Variants in CCDC88A observed in about 807,000 individuals in gnomAD.
CCDC88A encodes girdin.
A neutral mutation model predicts 234.3 loss-of-function variants in CCDC88A; 54 were observed. The observed-to-expected ratio is 0.23, with a 90% CI of 0.19 to 0.29. The LOEUF (loss-of-function observed/expected upper bound fraction) is 0.29. Among genes scored for constraint, CCDC88A ranks in the 10% least tolerant of loss-of-function variants. The probability of loss-of-function intolerance (pLI) is 1.00; values close to 1 mark genes in which losing one functional copy is unlikely to be tolerated. For missense variants in CCDC88A, 1,832 were observed against 2,123.4 expected (o/e 0.86, Z 2.70); for synonymous variants, 753 against 737.8 (o/e 1.02, Z -0.33).
chr2:55,296,088 G>C, intron 30 of CCDC88A, 32 bp from the exon 31 acceptor site: 1 of 1,487,346 alleles, frequency 6.7e-7, no homozygotes, highest in Non-Finnish European at 9.1e-7. Context: ...GCAGATTAGT[G>C]AATATAGTGC....
At chr2:55,341,849 C>CA (rs1668551749) in intron 12 of CCDC88A, among the ~76,000 whole-genome samples, 1 of 152,150 alleles carries the variant, frequency 6.6e-6, no homozygotes, top group Non-Finnish European at 1.5e-5. Context: ...CATATCTTGA[C>CA]ATTTGTGAAT....
chr2:55,311,498 C>G lies in CCDC88A; in HGVS notation c.4079+936G>C, dbSNP rs140515291. Among the ~76,000 whole-genome samples the G allele has an allele frequency of 1.3e-4, 20 of 152,324 alleles. No homozygotes were observed. The East Asian group carries it at 3.7e-3, about 28-fold the overall frequency. ...AGAGGCACAGACATACTACTTCATG[C>G]ACTCCTTGAATAATCTAGAAAGTAA... On this transcript the variant is annotated intron_variant, in intron 23 of 32. Coordinates refer to ENST00000436346, the MANE Select transcript of CCDC88A (RefSeq NM_001365480.1).
In CCDC88A at chr2:55,344,438, C is replaced by T. The variant is rs143843361; in HGVS notation, c.1118G>A (p.Arg373His). 6.3e-6 allele frequency: 10 copies of T among 1,587,050 alleles called. No homozygotes were observed. The highest frequency in any genetic ancestry group is 1.3e-5 in the African/African-American group (1 of 74,182). ...TTCTAATTCATGTAATTTATCAGAA[C>T]GAGCACGAGTTCCCTCTAGTTGGTC... ...LEDQLEGTRA[R>H]SDKLHELEKE... is the part of the protein sequence containing the mutation. Residue 373 changes from arginine (R) to histidine (H), a missense_variant, in exon 11 of 33, where the codon CGT becomes CAT. By Grantham distance (29) the Arg-to-His change is conservative. This residue lies in a region of CCDC88A where 1,282 missense variants were observed against 1,543.6 expected (regional missense o/e 0.83). Transcript: ENST00000436346.
chr2:55,291,887 G>A (rs1024034482), intron 31 of CCDC88A, 112 bp from the exon 32 acceptor site: 12 of 670,990 alleles, frequency 1.8e-5, no homozygotes, highest in African/African-American at 1.7e-4. Context: ...ATCTGTAACT[G>A]TCTGGGAAAA....
chr2:55,317,976 G>A lies in CCDC88A; in HGVS notation c.3325-135C>T, dbSNP rs1220506882. ...CATATTTACATTATACTGGGAAGAC[G>A]TGGATTTTAGCTTCCCAAAGAATAA... On this transcript the variant is annotated intron_variant, in intron 19 of 32. Coordinates refer to ENST00000436346, the MANE Select transcript of CCDC88A (RefSeq NM_001365480.1). The surrounding 1 kb of genome is among the most constrained non-coding windows in gnomAD (Gnocchi z 4.2). 8.1e-6 allele frequency: 5 copies of A among 620,480 alleles called. No homozygotes were observed. The highest frequency in any genetic ancestry group is 2.8e-5 in the South Asian group (1 of 36,070). 38.4% of individuals were successfully genotyped at this position (620,480 alleles called of 1,614,324 possible).
At chr2:55,346,052 C>T in intron 10 of CCDC88A, 123 bp downstream of exon 10, 1 of 644,122 alleles carries the variant, frequency 1.6e-6, no homozygotes, top group Non-Finnish European at 2.6e-6. Context: ...AATAAACATA[C>T]CCAAATGTAT....
intron 2 of CCDC88A, chr2:55,405,256 T>C (rs917980856): frequency 1.3e-5 from 2 of 152,114 alleles, no homozygotes; most frequent in Non-Finnish European, 2.9e-5. Flanking sequence ...AAATCAAATC[T>C]AACTTCCTCC....
intron 2 of CCDC88A, among the ~76,000 whole-genome samples, chr2:55,400,654 G>A (rs1371030149): frequency 1.3e-5 from 2 of 152,206 alleles, no homozygotes; most frequent in African/African-American, 4.8e-5. Flanking sequence ...TTTGGTCCTT[G>A]TATGATCAAG....
chr2:55,376,289 T>A (rs1673647962), intron 3 of CCDC88A, among the ~76,000 whole-genome samples: 1 of 152,226 alleles, frequency 6.6e-6, no homozygotes, highest in African/African-American at 2.4e-5. Flanking sequence ...AGATTCTTCA[T>A]AAATTGACTA....
At chr2:55,392,371 C>T (rs1173365983) in intron 2 of CCDC88A, among the ~76,000 whole-genome samples, 2 of 152,054 alleles carry the variant, frequency 1.3e-5, no homozygotes, top group Non-Finnish European at 2.9e-5. Flanking sequence ...AAAAACAAAA[C>T]CTATTAAGAT....
chr2:55,310,851 C>T lies in CCDC88A; in HGVS notation c.4079+1583G>A, dbSNP rs147972307. On this transcript the variant is annotated intron_variant, in intron 23 of 32. Coordinates refer to ENST00000436346, the MANE Select transcript of CCDC88A (RefSeq NM_001365480.1). ...GTTAACAAGGCTGGAGTTCCCAGTT[C>T]GTTTTTCCTTTTACTTGTTGAAATA... is the stretch of plus-strand genomic sequence containing the variant. Among the ~76,000 whole-genome samples the T allele has an allele frequency of 7.3e-4, 111 of 152,280 alleles. 1 individual carries two copies. Among genetic ancestry groups the T allele is most frequent in the Non-Finnish European group, 1.0e-3 (71 of 68,014 alleles).
intron 4 of CCDC88A, among the ~76,000 whole-genome samples, chr2:55,373,607 A>G (rs940521507): frequency 6.6e-6 from 1 of 152,224 alleles, no homozygotes; most frequent in African/African-American, 2.4e-5. Flanking sequence ...CTTCTAGAAC[A>G]TAGACCATTT....
chr2:55,319,343 G>C (rs1459284834), intron 18 of CCDC88A, among the ~76,000 whole-genome samples: 1 of 152,124 alleles, frequency 6.6e-6, no homozygotes, highest in Non-Finnish European at 1.5e-5. Flanking sequence ...AATACTGCTT[G>C]AAGGTTCCCA....
intron 9 of CCDC88A, among the ~76,000 whole-genome samples, chr2:55,347,887 C>T (rs1669370094): frequency 6.6e-6 from 1 of 151,552 alleles, no homozygotes. Flanking sequence ...GCTGGGATTA[C>T]ATGTATAAGC....
chr2:55,321,641 G>C (rs1311299873), intron 18 of CCDC88A, among the ~76,000 whole-genome samples: 2 of 152,110 alleles, frequency 1.3e-5, no homozygotes, highest in African/African-American at 2.4e-5. Flanking sequence ...ATAATAGGTA[G>C]TCATTAAAAT....
Position 55,309,265 on chromosome 2 carries a change from A to G in CCDC88A, c.4080-11T>C. On this transcript the variant is annotated splice_polypyrimidine_tract_variant and intron_variant, in intron 23 of 32. Coordinates refer to ENST00000436346, the MANE Select transcript of CCDC88A (RefSeq NM_001365480.1). The surrounding 1 kb of genome is among the most constrained non-coding windows in gnomAD (Gnocchi z 5.1). ...TCATTTAACTTATCACTATAAAATA[A>G]AAATTACCTTTTAGGACAGGCATCA... The G allele has an allele frequency of 8.1e-7, 1 of 1,227,418 alleles. No homozygotes were observed. Among genetic ancestry groups the G allele is most frequent in the South Asian group, 1.3e-5 (1 of 76,434 alleles). The allele number at this position is 1,227,418 out of a possible 1,614,324, so 76.0% of individuals were successfully genotyped here.
Position 55,309,087 on chromosome 2 carries a change from G to GA in CCDC88A, c.4173-65dup. ...AACATACAAATCCTTCACAAAAGTA[G>GA]AAGTCATCACAATATTAGAAATAAC... On this transcript the variant is annotated intron_variant, in intron 24 of 32. Transcript: ENST00000436346. This position sits in a 1 kb window ranked among gnomAD's most constrained non-coding sequence, Gnocchi z 5.1. 1 of 1,470,350 alleles carries GA rather than the reference G, an allele frequency of 6.8e-7. No individual in the cohort carries two copies. The highest frequency in any genetic ancestry group is 2.3e-5 in the East Asian group (1 of 43,962). 91.1% of individuals were successfully genotyped at this position (1,470,350 alleles called of 1,614,324 possible).
At chr2:55,348,264 C>G (rs1326600403) in intron 9 of CCDC88A, among the ~76,000 whole-genome samples, 1 of 147,628 alleles carries the variant, frequency 6.8e-6, no homozygotes, top group African/African-American at 2.6e-5. Context: ...TGCGCCCAAC[C>G]CAAGTGACTT....
At chr2:55,350,985 C>A (rs1669799796) in intron 8 of CCDC88A, among the ~76,000 whole-genome samples, 1 of 152,160 alleles carries the variant, frequency 6.6e-6, no homozygotes, top group East Asian at 1.9e-4. Context: ...GAAAAATATT[C>A]CCTTTGCTAG....
Sources: gnomAD v4.1 joint callset for allele counts (sites outside exome capture counted in the v4.1 genomes callset) on GRCh38, gnomAD v4.1.1 for gene constraint, gnomAD v4.1.1 regional missense constraint, Gnocchi (gnomAD v3.1) non-coding constraint, MANE v1.5 for transcripts, NCBI Gene and HGNC (gene_info 2026-07-23, HGNC 2026-07-21) for gene names.